FKBP5: variants seen among roughly 807,000 people sequenced by gnomAD.
The protein encoded by FKBP5 is FKBP prolyl isomerase 5.
In FKBP5, 23 loss-of-function variants were observed where a neutral mutation model predicts 50.5. That is an observed-to-expected ratio of 0.46 (90% CI 0.33 to 0.65). FKBP5 has a LOEUF of 0.65. Ranked by LOEUF, FKBP5 falls within the 30% of genes least tolerant of loss-of-function variation. The pLI, the probability that FKBP5 is intolerant of heterozygous loss-of-function variation, is 0.02. For missense variants in FKBP5, 411 were observed against 553.1 expected (o/e 0.74, Z 2.58); for synonymous variants, 176 against 190.6 (o/e 0.92, Z 0.63).
intron 2 of FKBP5, among the ~76,000 whole-genome samples, chr6:35,703,249 T>G (rs1420691072): frequency 6.8e-6 from 1 of 147,418 alleles, no homozygotes; most frequent in Non-Finnish European, 1.5e-5. Flanking sequence ...AGACTCCATC[T>G]CAAAAAAAAA....
intron 1 of FKBP5, among the ~76,000 whole-genome samples, chr6:35,653,829 AC>A (rs1269953310): frequency 1.3e-5 from 2 of 152,198 alleles, no homozygotes; most frequent in Non-Finnish European, 2.9e-5. Flanking sequence ...AAAATGGCTA[AC>A]TTGAAGATAA....
chr6:35,637,457 C>CTTTT lies in FKBP5; in HGVS notation c.106-303_106-300dup, dbSNP rs71002581. Among the ~76,000 whole-genome samples, 216 of 73,230 alleles carry CTTTT rather than the reference C, an allele frequency of 2.9e-3. 2 individuals are homozygous for CTTTT. Among genetic ancestry groups the CTTTT allele is most frequent in the Non-Finnish European group, 4.4e-3 (176 of 39,634 alleles). The allele number at this position is 73,230 out of a possible 152,430, so 48.0% of individuals were successfully genotyped here. A position where few individuals can be genotyped will look rare whatever the true frequency, so the allele number is the denominator to read the frequency against. ...ATGCCCTATATTTTGACAGTAAACT[C>CTTTT]TTTTTTTTTTTTTTTTTTTTTTTTG... On this transcript the variant is annotated intron_variant, in intron 2 of 10. Transcript: ENST00000357266.
At chr6:35,677,100 G>T (rs1241395404) in intron 1 of FKBP5, among the ~76,000 whole-genome samples, 1 of 152,160 alleles carries the variant, frequency 6.6e-6, no homozygotes. Context: ...TTAAGACGTG[G>T]TCTCCCTCTG....
At chr6:35,641,966 C>T (rs542498050) in intron 2 of FKBP5, among the ~76,000 whole-genome samples, 144 of 150,760 alleles carry the variant, frequency 9.6e-4, no homozygotes, top group African/African-American at 3.3e-3. Context: ...GCACTCTAGC[C>T]CAGGCAACAG....
intron 5 of FKBP5, among the ~76,000 whole-genome samples, chr6:35,605,957 T>C (rs1763301753): frequency 6.6e-6 from 1 of 152,200 alleles, no homozygotes. Context: ...CCTGAAACTA[T>C]ATAAATCCTA....
rs1293001205 is a variant in FKBP5, at chr6:35,573,702, T to C, written c.*2133A>G. The C allele has an allele frequency of 1.3e-5, 2 of 152,190 alleles. No homozygotes were observed. The highest frequency in any genetic ancestry group is 4.8e-5 in the African/African-American group (2 of 41,436). 9.4% of individuals were successfully genotyped at this position (152,190 alleles called of 1,614,324 possible). A position where few individuals can be genotyped will look rare whatever the true frequency, so the allele number is the denominator to read the frequency against. On this transcript the variant is annotated 3_prime_UTR_variant, in exon 11 of 11. Coordinates refer to ENST00000357266, the MANE Select transcript of FKBP5 (RefSeq NM_004117.4). Reference sequence around the variant, plus strand: ...TCATATGCTGACTTGGCAATCCATATGCAGCCTAAAAGGTGGTTGAAAGAT... The same window carrying C: ...TCATATGCTGACTTGGCAATCCATACGCAGCCTAAAAGGTGGTTGAAAGAT...
At position 35,670,707 on chromosome 6, in the gene FKBP5, G is replaced by A. The variant is rs184221223; in HGVS notation, c.-20+18097C>T. Reference sequence around the variant, plus strand: ...AGATCGTGCCACTGCACTCCAGCCTGGGCAACAAAGCAAGACTCCATCTCA... The same window carrying A: ...AGATCGTGCCACTGCACTCCAGCCTAGGCAACAAAGCAAGACTCCATCTCA... On this transcript the variant is annotated intron_variant, in intron 1 of 10. Transcript: ENST00000357266. Among the ~76,000 whole-genome samples, 643 of 150,712 alleles carry A rather than the reference G, an allele frequency of 4.3e-3. 3 individuals are homozygous for A. Among genetic ancestry groups the A allele is most frequent in the African/African-American group, 0.014 (575 of 40,896 alleles).
chr6:35,691,480 C>T (rs1169923057), upstream of FKBP5, among the ~76,000 whole-genome samples: 1 of 152,182 alleles, frequency 6.6e-6, no homozygotes, highest in Admixed American at 6.5e-5. Context: ...GGACCAGGCT[C>T]TTCCAGGAGG....
At chr6:35,692,070 C>A (rs62402145), upstream of FKBP5, among the ~76,000 whole-genome samples, 1,725 of 152,360 alleles carry the variant, frequency 0.011, 17 homozygotes, top group Non-Finnish European at 0.019. Flanking sequence ...ACTGCTCAAA[C>A]CACATCTCAT....
chr6:35,617,491 G>A (rs1191918525), intron 5 of FKBP5, among the ~76,000 whole-genome samples: 1 of 151,940 alleles, frequency 6.6e-6, no homozygotes, highest in Non-Finnish European at 1.5e-5. Flanking sequence ...ATTACACCTG[G>A]CTTTTGAAAT....
intron 8 of FKBP5, chr6:35,582,182 A>G: frequency 1.0e-6 from 1 of 985,412 alleles, no homozygotes; most frequent in Non-Finnish European, 1.2e-6. Flanking sequence ...GACTGGCACT[A>G]AAATCAAAGT....
chr6:35,578,674 A>G (rs1289474922), intron 9 of FKBP5, among the ~76,000 whole-genome samples: 1 of 151,530 alleles, frequency 6.6e-6, no homozygotes, highest in Non-Finnish European at 1.5e-5. Flanking sequence ...AGGCTGAGGC[A>G]GGAGAATCGC....
chr6:35,713,178 CA>C (rs1243376828), intron 2 of FKBP5, among the ~76,000 whole-genome samples: 1 of 147,388 alleles, frequency 6.8e-6, no homozygotes, highest in Non-Finnish European at 1.5e-5. Flanking sequence ...GCGGGTGGGG[CA>C]AAAAGAGGGG....
intron 1 of FKBP5, among the ~76,000 whole-genome samples, chr6:35,669,144 C>G (rs1765314793): frequency 6.6e-6 from 1 of 152,074 alleles, no homozygotes; most frequent in Admixed American, 6.6e-5. Context: ...TGTATGAAAA[C>G]AGAAGTTAAC....
At chr6:35,581,902 C>T in intron 8 of FKBP5, 1 of 985,532 alleles carries the variant, frequency 1.0e-6, no homozygotes. Context: ...GCCGAGTTGT[C>T]TCTCCCCACA....
At chr6:35,635,079 A>C (rs1336161768) in intron 3 of FKBP5, among the ~76,000 whole-genome samples, 1 of 150,962 alleles carries the variant, frequency 6.6e-6, no homozygotes, top group African/African-American at 2.4e-5. Context: ...CATGCCTGTA[A>C]TCCCAGGTGT....
chr6:35,589,078 T>TTATATATATATTTTTATA (rs1248674627), intron 7 of FKBP5, among the ~76,000 whole-genome samples: 38 of 137,090 alleles, frequency 2.8e-4, no homozygotes, highest in African/African-American at 7.3e-4. Flanking sequence ...GTGTATATAT[T>TTATATATATATTTTTATA]TATATATATA....
In FKBP5 at chr6:35,674,128, C is replaced by G. The variant is rs140218858; in HGVS notation, c.-20+14676G>C. Among the ~76,000 whole-genome samples the G allele has an allele frequency of 2.7e-3, 414 of 152,172 alleles. 2 individuals carry two copies. The highest frequency in any genetic ancestry group is 9.5e-3 in the African/African-American group (396 of 41,490). ...ACAGAGAGGAAACACTAGCAGAAAC[C>G]CACTAAACTTTGGAGAAAAGGAGTG... On this transcript the variant is annotated intron_variant, in intron 1 of 10. Transcript: ENST00000357266.
intron 5 of FKBP5, among the ~76,000 whole-genome samples, chr6:35,598,237 T>C (rs1191004103): frequency 6.6e-6 from 1 of 152,212 alleles, no homozygotes; most frequent in African/African-American, 2.4e-5. Flanking sequence ...TTAGACTTTT[T>C]TGAGACGCAG....
Sources: gnomAD v4.1 joint callset for allele counts (sites outside exome capture counted in the v4.1 genomes callset) on GRCh38, gnomAD v4.1.1 for gene constraint, MANE v1.5 for transcripts, NCBI Gene and HGNC (gene_info 2026-07-23, HGNC 2026-07-21) for gene names.